Variants in REV3L observed in about 807,000 individuals in gnomAD.
REV3L encodes the protein DNA polymerase zeta catalytic subunit.
In REV3L, 69 loss-of-function variants were observed where a neutral mutation model predicts 299.4. That is an observed-to-expected ratio of 0.23 (90% CI 0.19 to 0.28). REV3L has a LOEUF of 0.28. REV3L is among the 10% of genes least tolerant of loss of function. REV3L has a pLI of 1.00. For missense variants in REV3L, 3,128 were observed against 3,693.8 expected (o/e 0.85, Z 3.97); for synonymous variants, 1,238 against 1,271.4 (o/e 0.97, Z 0.56).
chr6:111,394,707 T>A (rs796939558), intron 4 of REV3L, among the ~76,000 whole-genome samples: 242 of 47,090 alleles, frequency 5.1e-3, no homozygotes, highest in African/African-American at 0.01. Flanking sequence ...TGTCCTACAA[T>A]TTTTTTTTTT....
chr6:111,387,959 G>C (rs1781510806), intron 8 of REV3L, 42 bp downstream of exon 8: 1 of 1,606,240 alleles, frequency 6.2e-7, no homozygotes, highest in Non-Finnish European at 8.5e-7. Context: ...CATAACAAAG[G>C]AATAAAATTA....
intron 21 of REV3L, among the ~76,000 whole-genome samples, chr6:111,339,143 A>C (rs941117295): frequency 2.0e-5 from 3 of 152,132 alleles, no homozygotes; most frequent in African/African-American, 7.2e-5. Flanking sequence ...TTTCATTCAG[A>C]ATCTAATTCT....
intron 13 of REV3L, among the ~76,000 whole-genome samples, chr6:111,369,557 C>A (rs535032884): frequency 4.0e-5 from 6 of 151,892 alleles, no homozygotes; most frequent in Non-Finnish European, 8.8e-5. Flanking sequence ...ACCTTTCTGT[C>A]CAATAATATA....
intron 28 of REV3L, 40 bp from the exon 29 acceptor site, chr6:111,311,299 T>C (rs868335250): frequency 1.4e-6 from 2 of 1,477,072 alleles, no homozygotes; most frequent in South Asian, 1.3e-5. Context: ...ATAAAATATC[T>C]CCTAGTATGT....
Position 111,372,599 on chromosome 6 carries a change from G to A in REV3L, c.5756C>T (p.Pro1919Leu). ...AAGGGAAAAAATAACTGATTACCTG[G>A]GCTTTTCTGGTACATCAGAAGGATT... Reference protein sequence around the residue: ...CSNPSDVPEKPREIGGRLLMV... With the variant: ...CSNPSDVPEKLREIGGRLLMV... Residue 1919 changes from proline (P) to leucine (L), a missense_variant, in exon 13 of 32, where the codon CCC becomes CTC. Pro to Leu is a moderately conservative substitution (Grantham distance 98). This residue lies in a region of REV3L where 2,409 missense variants were observed against 2,611.8 expected (regional missense o/e 0.92). Transcript: ENST00000368802. The A allele has an allele frequency of 6.8e-7, 1 of 1,478,438 alleles. No individual in the cohort carries two copies. Among genetic ancestry groups the A allele is most frequent in the Non-Finnish European group, 9.0e-7 (1 of 1,114,974 alleles). 91.6% of individuals were successfully genotyped at this position (1,478,438 alleles called of 1,614,324 possible). A position where few individuals can be genotyped will look rare whatever the true frequency, so the allele number is the denominator to read the frequency against.
In REV3L at chr6:111,374,258, G is replaced by C. The variant is rs1488510458; in HGVS notation, c.4097C>G (p.Ser1366Cys). 6.8e-6 allele frequency: 11 copies of C among 1,613,414 alleles called. No individual in the cohort carries two copies. Among genetic ancestry groups the C allele is most frequent in the Non-Finnish European group, 9.3e-6 (11 of 1,179,474 alleles). Residue 1366 changes from serine (S) to cysteine (C), a missense_variant, in exon 13 of 32, where the codon TCT becomes TGT. This residue lies in a region of REV3L where 2,409 missense variants were observed against 2,611.8 expected (regional missense o/e 0.92). Transcript: ENST00000368802. ...TATCTGTGTATTCTGTGCTACCTGA[G>C]ATAAATGATTGGAAAGGTCAAATAT... ...KNIFDLSNHL[S>C]QVAQNTQISS... is the part of the protein sequence containing the mutation.
At chr6:111,416,908 G>C (rs1193963535) in intron 1 of REV3L, among the ~76,000 whole-genome samples, 1 of 152,066 alleles carries the variant, frequency 6.6e-6, no homozygotes, top group African/African-American at 2.4e-5. Context: ...CCCTAAAAGA[G>C]AGGCAGCTCT....
intron 22 of REV3L, among the ~76,000 whole-genome samples, chr6:111,334,284 C>A (rs1039812523): frequency 5.3e-5 from 8 of 152,106 alleles, no homozygotes; most frequent in Non-Finnish European, 8.8e-5. Context: ...AACTGTAGGA[C>A]AGACAGCTGT....
chr6:111,299,280 G>C lies in REV3L; in HGVS notation c.*736C>G, dbSNP rs1040490951. 5 of 152,488 alleles carry C rather than the reference G, an allele frequency of 3.3e-5. No individual in the cohort carries two copies. The highest frequency in any genetic ancestry group is 6.6e-5 in the Admixed American group (1 of 15,262). 9.4% of individuals were successfully genotyped at this position (152,488 alleles called of 1,614,324 possible). A position where few individuals can be genotyped will look rare whatever the true frequency, so the allele number is the denominator to read the frequency against. On this transcript the variant is annotated 3_prime_UTR_variant, in exon 32 of 32. Coordinates refer to ENST00000368802, the MANE Select transcript of REV3L (RefSeq NM_001372078.1). ...CAATAGAAATGTCTATACAAAACAA[G>C]CAAATGGAATAAAATTTTTTATTTT...
Position 111,332,774 on chromosome 6 carries a change from T to C in REV3L, c.7925+349A>G, listed in dbSNP as rs562262066. ...AAGAAAAATAAAGAGGAGGTCTAGT[T>C]GAAGTTATAAGATCATAATCCTCAA... On this transcript the variant is annotated intron_variant, in intron 23 of 31. Transcript: ENST00000368802. Among the ~76,000 whole-genome samples the C allele has an allele frequency of 1.3e-3, 199 of 152,342 alleles. 1 individual carries two copies. Among genetic ancestry groups the C allele is most frequent in the African/African-American group, 4.6e-3 (192 of 41,578 alleles).
At chr6:111,464,525 T>C (rs938581956) in intron 1 of REV3L, among the ~76,000 whole-genome samples, 2 of 152,126 alleles carry the variant, frequency 1.3e-5, no homozygotes, top group African/African-American at 4.8e-5. Flanking sequence ...AAAAAGTATA[T>C]GCTGTGTGTT....
chr6:111,415,759 T>C lies in REV3L; in HGVS notation c.329+524A>G, dbSNP rs527911184. On this transcript the variant is annotated intron_variant, in intron 2 of 31. Transcript: ENST00000368802. ...ACTTTGTCAATGACACATTCCCTGA[T>C]TACTCTAAAATTGTCACTAGTCTAC... Among the ~76,000 whole-genome samples, 29 of 152,254 alleles carry C rather than the reference T, an allele frequency of 1.9e-4. No homozygotes were observed. The South Asian group carries it at 6.0e-3, about 32-fold the overall frequency.
intron 1 of REV3L, among the ~76,000 whole-genome samples, chr6:111,433,941 G>A (rs1292294336): frequency 6.6e-6 from 1 of 151,954 alleles, no homozygotes; most frequent in African/African-American, 2.4e-5. Flanking sequence ...ACATAATCAT[G>A]AACAAAAAAG....
At chr6:111,372,531 C>A in intron 13 of REV3L, 65 bp downstream of exon 13, 1 of 1,222,518 alleles carries the variant, frequency 8.2e-7, no homozygotes, top group Non-Finnish European at 1.1e-6. Flanking sequence ...TTTTTCAATC[C>A]CCATAGCATA....
chr6:111,383,851 T>G (rs1004171785), intron 9 of REV3L, among the ~76,000 whole-genome samples: 1 of 152,160 alleles, frequency 6.6e-6, no homozygotes, highest in Non-Finnish European at 1.5e-5. Context: ...TTACCTGACT[T>G]CAAATTATAC....
chr6:111,384,769 G>A (rs916939838), intron 9 of REV3L, among the ~76,000 whole-genome samples: 1 of 152,014 alleles, frequency 6.6e-6, no homozygotes, highest in African/African-American at 2.4e-5. Context: ...AATGAAATTG[G>A]TATGTCGAGT....
chr6:111,317,021 TAATA>T (rs1773608349), intron 26 of REV3L, among the ~76,000 whole-genome samples: 1 of 152,228 alleles, frequency 6.6e-6, no homozygotes, highest in Non-Finnish European at 1.5e-5. Context: ...AAGTAATGGT[TAATA>T]AATATTTAAG....
In REV3L at chr6:111,333,343, G is replaced by A; in HGVS notation, c.7705C>T (p.Arg2569Cys). The A allele has an allele frequency of 6.2e-7, 1 of 1,614,096 alleles. No individual in the cohort carries two copies. The highest frequency in any genetic ancestry group is 8.5e-7 in the Non-Finnish European group (1 of 1,179,992). The change falls in exon 23 of 32, where the codon CGT (arginine) becomes TGT (cysteine). Residue 2569 changes from arginine (R) to cysteine (C), a missense_variant. This residue lies in a region of REV3L where 149 missense variants were observed against 286.4 expected (regional missense o/e 0.52). Transcript: ENST00000368802. ...ATATAGTTCATTGGTTTAGCAATAC[G>A]CAACATCATTGATTCCACACGGTAC... is the stretch of plus-strand genomic sequence containing the variant. ...SQYRVESMMLRIAKPMNYIPV... is the reference protein window; with the variant it reads ...SQYRVESMMLCIAKPMNYIPV...
At chr6:111,434,160 T>C (rs1355744112) in intron 1 of REV3L, among the ~76,000 whole-genome samples, 1 of 152,302 alleles carries the variant, frequency 6.6e-6, no homozygotes, top group East Asian at 1.9e-4. Flanking sequence ...TCACCACTTT[T>C]ATTCAATGTA....
Sources: allele counts gnomAD v4.1 joint callset (sites outside exome capture counted in the v4.1 genomes callset), GRCh38; gene constraint gnomAD v4.1.1; regional missense constraint gnomAD v4.1.1; transcripts MANE v1.5; gene names NCBI Gene and HGNC (gene_info 2026-07-23, HGNC 2026-07-21).